The following COL14A1 variants were observed in gnomAD, a reference collection of about 807,000 sequenced individuals.
The protein encoded by COL14A1 is collagen alpha-1(XIV) chain.
Under a neutral mutation model 230.3 loss-of-function variants are expected in COL14A1, and 136 were observed. That is an observed-to-expected ratio of 0.59 (90% CI 0.51 to 0.68). The LOEUF is 0.68. COL14A1 is among the 30% of genes least tolerant of loss of function. COL14A1 has a pLI of 0.00. For synonymous variants in COL14A1, 792 were observed against 784.1 expected (o/e 1.01, Z -0.17); for missense variants, 1,976 against 2,215.8 (o/e 0.89, Z 2.17).
chr8:120,219,791 T>G (rs1399556940), intron 14 of COL14A1, among the ~76,000 whole-genome samples: 1 of 152,034 alleles, frequency 6.6e-6, no homozygotes, highest in Non-Finnish European at 1.5e-5. Flanking sequence ...GTTTGGGGGT[T>G]TTTTTGGTAG....
intron 26 of COL14A1, among the ~76,000 whole-genome samples, chr8:120,276,810 G>C (rs536633933): frequency 1.3e-5 from 2 of 150,634 alleles, no homozygotes; most frequent in East Asian, 3.9e-4. Context: ...ATTGTGCACA[G>C]GTACCCTAGA....
chr8:120,279,894 CAA>C (rs1819984035), intron 28 of COL14A1, 39 bp from the exon 29 acceptor site: 9 of 1,598,482 alleles, frequency 5.6e-6, no homozygotes, highest in Non-Finnish European at 7.7e-6. Context: ...GTGTTTTGTA[CAA>C]TTTAAAGTAA....
intron 23 of COL14A1, among the ~76,000 whole-genome samples, chr8:120,258,639 A>G (rs1819235030): frequency 6.6e-6 from 1 of 150,380 alleles, no homozygotes; most frequent in African/African-American, 2.4e-5. Context: ...TATGGCCAAG[A>G]AAAAAAAAAG....
At chr8:120,203,118 C>T (rs1378078647) in intron 8 of COL14A1, among the ~76,000 whole-genome samples, 1 of 150,532 alleles carries the variant, frequency 6.6e-6, no homozygotes, top group Non-Finnish European at 1.5e-5. Context: ...ATTACTATTG[C>T]TTCTGCAATA....
rs559866798 is a variant in COL14A1 at position 120,335,468 on chromosome 8, C to G, written c.4785+2733C>G. Among the ~76,000 whole-genome samples, 130 of 152,256 alleles carry G rather than the reference C, an allele frequency of 8.5e-4. 1 individual carries two copies. Among genetic ancestry groups the G allele is most frequent in the African/African-American group, 2.8e-3 (118 of 41,544 alleles). ...TTTCCTCTCAAAAGCAAGTTGCTCTCTGAACTGTCCAGCCCAGACTTTTTT... is the reference window on the plus strand; with the variant it reads ...TTTCCTCTCAAAAGCAAGTTGCTCTGTGAACTGTCCAGCCCAGACTTTTTT... On this transcript the variant is annotated intron_variant, in intron 42 of 47. Coordinates refer to ENST00000297848, the MANE Select transcript of COL14A1 (RefSeq NM_021110.4).
At chr8:120,160,747 A>G (rs2130534802) in intron 3 of COL14A1, among the ~76,000 whole-genome samples, 1 of 152,310 alleles carries the variant, frequency 6.6e-6, no homozygotes, top group Admixed American at 6.5e-5. Context: ...ACTATGAGAT[A>G]TGGTCCAACT....
chr8:120,148,010 C>T (rs995041671), intron 2 of COL14A1, 80 bp downstream of exon 2: 1 of 1,037,634 alleles, frequency 9.6e-7, no homozygotes, highest in Non-Finnish European at 1.4e-6. Context: ...TTTATTTATC[C>T]TAACAATATG....
chr8:120,350,972 A>G (rs1462412956), intron 45 of COL14A1, among the ~76,000 whole-genome samples: 2 of 150,388 alleles, frequency 1.3e-5, no homozygotes, highest in African/African-American at 4.9e-5. Context: ...TCCAAAATTG[A>G]CCACATAGTT....
At chr8:120,208,988 A>G (rs1817534139) in intron 11 of COL14A1, among the ~76,000 whole-genome samples, 1 of 152,172 alleles carries the variant, frequency 6.6e-6, no homozygotes, top group Admixed American at 6.5e-5. Context: ...TTGCTCTAAA[A>G]AATCTGCCTC....
chr8:120,194,575 T>C (rs897970524), intron 5 of COL14A1, among the ~76,000 whole-genome samples: 1 of 152,202 alleles, frequency 6.6e-6, no homozygotes, highest in African/African-American at 2.4e-5. Flanking sequence ...GAATTTGTAT[T>C]TCCAAGTCAT....
intron 2 of COL14A1, among the ~76,000 whole-genome samples, chr8:120,149,625 A>T (rs1000438188): frequency 6.6e-6 from 1 of 152,020 alleles, no homozygotes; most frequent in East Asian, 1.9e-4. Context: ...TATAGCTCTT[A>T]CGGGATACTT....
At chr8:120,300,285 T>A (rs1439695251) in intron 35 of COL14A1, among the ~76,000 whole-genome samples, 1 of 152,148 alleles carries the variant, frequency 6.6e-6, no homozygotes, top group Non-Finnish European at 1.5e-5. Flanking sequence ...TTTATTTTGT[T>A]TTTCTTTGTT....
intron 40 of COL14A1, among the ~76,000 whole-genome samples, chr8:120,329,379 T>A (rs539517954): frequency 2.3e-4 from 35 of 152,244 alleles, no homozygotes; most frequent in African/African-American, 8.4e-4. Flanking sequence ...AGTTAAGGCG[T>A]GCAGACTACT....
intron 42 of COL14A1, among the ~76,000 whole-genome samples, chr8:120,336,308 G>C (rs1299710398): frequency 6.6e-6 from 1 of 152,196 alleles, no homozygotes; most frequent in African/African-American, 2.4e-5. Context: ...ATTTAGATGA[G>C]ATCTTAGAAT....
intron 4 of COL14A1, among the ~76,000 whole-genome samples, chr8:120,166,922 G>GTGTGTGTGTGTGTGGT (rs1217998586): frequency 7.4e-6 from 1 of 134,412 alleles, no homozygotes; most frequent in African/African-American, 2.9e-5. Flanking sequence ...GTGTGTGTGT[G>GTGTGTGTGTGTGTGGT]GTGGTGATGA....
intron 26 of COL14A1, among the ~76,000 whole-genome samples, chr8:120,272,103 GA>G (rs1020050642): frequency 6.6e-6 from 1 of 151,650 alleles, no homozygotes; most frequent in African/African-American, 2.4e-5. Context: ...ATATTTTGCA[GA>G]AACCTTACAA....
intron 19 of COL14A1, 101 bp from the exon 20 acceptor site, chr8:120,243,778 C>T (rs1818680249): frequency 1.4e-6 from 2 of 1,383,810 alleles, no homozygotes; most frequent in African/African-American, 2.9e-5. Flanking sequence ...AAGCACATCT[C>T]TTTTCTTTTG....
intron 35 of COL14A1, among the ~76,000 whole-genome samples, chr8:120,298,345 T>C (rs1003188769): frequency 1.2e-4 from 18 of 151,696 alleles, no homozygotes; most frequent in Non-Finnish European, 7.4e-5. Flanking sequence ...CTCAATATAG[T>C]GCTCCCAGGC....
chr8:120,317,146 A>G (rs1393184446), intron 40 of COL14A1, among the ~76,000 whole-genome samples: 3 of 152,142 alleles, frequency 2.0e-5, no homozygotes, highest in African/African-American at 7.2e-5. Context: ...CTTAGATTCA[A>G]TCCAATGAAG....
Sources: gnomAD v4.1 joint callset for allele counts (sites outside exome capture counted in the v4.1 genomes callset) on GRCh38, gnomAD v4.1.1 for gene constraint, MANE v1.5 for transcripts, NCBI Gene and HGNC (gene_info 2026-07-23, HGNC 2026-07-21) for gene names.